CHST8: variants seen among roughly 807,000 people sequenced by gnomAD.
CHST8 encodes the protein carbohydrate sulfotransferase 8.
Under a neutral mutation model 15.0 loss-of-function variants are expected in CHST8, and 10 were observed. The ratio of observed to expected loss-of-function variants is 0.67; its 90% CI spans 0.41 to 1.13. The LOEUF (loss-of-function observed/expected upper bound fraction) is 1.13. CHST8 is among the 50% of genes most tolerant of loss of function. The pLI, the probability that CHST8 is intolerant of heterozygous loss-of-function variation, is 0.00. For synonymous variants in CHST8, 259 were observed against 256.6 expected (o/e 1.01, Z -0.09); for missense variants, 634 against 608.2 (o/e 1.04, Z -0.45).
At chr19:33,755,725 C>T (rs557431415) in intron 3 of CHST8, among the ~76,000 whole-genome samples, 2 of 152,326 alleles carry the variant, frequency 1.3e-5, no homozygotes, top group South Asian at 4.1e-4. Flanking sequence ...GCCTCTGTGT[C>T]CGTGGTGGGC....
intron 3 of CHST8, among the ~76,000 whole-genome samples, chr19:33,725,785 ATCT>A (rs1457802917): frequency 5.9e-5 from 9 of 152,238 alleles, no homozygotes; most frequent in African/African-American, 1.7e-4. Flanking sequence ...CTCTAGCCTC[ATCT>A]TCTATATTCT....
intron 1 of CHST8, among the ~76,000 whole-genome samples, chr19:33,651,185 G>A (rs1221618388): frequency 6.6e-6 from 1 of 152,034 alleles, no homozygotes; most frequent in Non-Finnish European, 1.5e-5. Context: ...CCCACCTAAG[G>A]TCATGAAGAT....
At chr19:33,725,884 T>G (rs1599590261) in intron 3 of CHST8, among the ~76,000 whole-genome samples, 1 of 152,096 alleles carries the variant, frequency 6.6e-6, no homozygotes, top group South Asian at 2.1e-4. Flanking sequence ...AGGTGGCTGG[T>G]ATTTTGGGCT....
intron 3 of CHST8, among the ~76,000 whole-genome samples, chr19:33,700,402 G>C (rs1341388876): frequency 6.6e-6 from 1 of 152,220 alleles, no homozygotes; most frequent in Non-Finnish European, 1.5e-5. Flanking sequence ...TGCACCTGCA[G>C]CTTCAAACTC....
chr19:33,696,289 T>A (rs1973216647), intron 3 of CHST8, among the ~76,000 whole-genome samples: 1 of 152,116 alleles, frequency 6.6e-6, no homozygotes, highest in African/African-American at 2.4e-5. Context: ...CTGGATTGAA[T>A]GGTAGTTCTA....
chr19:33,700,931 C>T (rs1026899996), intron 3 of CHST8, among the ~76,000 whole-genome samples: 31 of 152,306 alleles, frequency 2.0e-4, no homozygotes, highest in Non-Finnish European at 4.0e-4. Flanking sequence ...GTGCTCCTTG[C>T]GTGGTGATTG....
chr19:33,662,519 T>G (rs1972600747), intron 1 of CHST8, among the ~76,000 whole-genome samples: 1 of 152,152 alleles, frequency 6.6e-6, no homozygotes. Context: ...ACCAGGGCAA[T>G]GCTGTGGTCC....
At chr19:33,684,063 C>A (rs1972933171) in intron 2 of CHST8, among the ~76,000 whole-genome samples, 1 of 152,242 alleles carries the variant, frequency 6.6e-6, no homozygotes, top group Non-Finnish European at 1.5e-5. Context: ...TTTGGCCACG[C>A]TCTCAGGCCC....
chr19:33,699,262 A>G (rs1973285461), intron 3 of CHST8, among the ~76,000 whole-genome samples: 1 of 152,032 alleles, frequency 6.6e-6, no homozygotes, highest in East Asian at 1.9e-4. Context: ...CGGGAGGAGG[A>G]AGCTCGGGCT....
At chr19:33,709,309 A>G (rs1266751475) in intron 3 of CHST8, among the ~76,000 whole-genome samples, 4 of 152,202 alleles carry the variant, frequency 2.6e-5, no homozygotes, top group African/African-American at 9.7e-5. Context: ...CTTAGGGGAA[A>G]AACATTCCAT....
At chr19:33,658,156 A>T (rs1359094741) in intron 1 of CHST8, among the ~76,000 whole-genome samples, 1 of 152,176 alleles carries the variant, frequency 6.6e-6, no homozygotes, top group East Asian at 1.9e-4. Flanking sequence ...CCTGGCCAAC[A>T]TGGTAAAAGC....
chr19:33,766,591 G>C (rs1478443417), intron 3 of CHST8, among the ~76,000 whole-genome samples: 1 of 152,212 alleles, frequency 6.6e-6, no homozygotes, highest in African/African-American at 2.4e-5. Flanking sequence ...CCGGCAGCCT[G>C]GGCTGTCCGG....
intron 1 of CHST8, among the ~76,000 whole-genome samples, chr19:33,637,856 T>C (rs1600228997): frequency 7.7e-6 from 1 of 130,112 alleles, no homozygotes; most frequent in Non-Finnish European, 1.6e-5. Context: ...CCTTATCTCT[T>C]AAGAAAAAAA....
intron 3 of CHST8, among the ~76,000 whole-genome samples, chr19:33,695,899 C>T (rs1262196907): frequency 7.2e-6 from 1 of 139,138 alleles, no homozygotes; most frequent in Non-Finnish European, 1.5e-5. Flanking sequence ...AATCTCAGCT[C>T]ACTGCAACCT....
chr19:33,759,718 C>T (rs1008573), intron 3 of CHST8, among the ~76,000 whole-genome samples: 22,055 of 152,156 alleles, frequency 0.14, 1,738 homozygotes, highest in African/African-American at 0.18. Context: ...GGGATCTGTC[C>T]TCCTGCGCAG....
chr19:33,712,170 C>A (rs1223960299), intron 3 of CHST8, among the ~76,000 whole-genome samples: 1 of 152,228 alleles, frequency 6.6e-6, no homozygotes, highest in Admixed American at 6.5e-5. Context: ...TCTGCACTGA[C>A]CCCTCCCAGT....
At chr19:33,654,446 A>C (rs1362653506) in intron 1 of CHST8, among the ~76,000 whole-genome samples, 1 of 152,092 alleles carries the variant, frequency 6.6e-6, no homozygotes, top group Admixed American at 6.6e-5. Context: ...TATCCAAACT[A>C]ATTTAAGACT....
At chr19:33,755,149 C>T (rs141219442) in intron 3 of CHST8, among the ~76,000 whole-genome samples, 1,902 of 151,954 alleles carry the variant, frequency 0.013, 24 homozygotes, top group South Asian at 0.045. Context: ...TTCCAAAATC[C>T]CTGCTGTCTG....
Position 33,649,281 on chromosome 19 carries a change from A to G in CHST8, c.-163-18486A>G, listed in dbSNP as rs138753557. On this transcript the variant is annotated intron_variant, in intron 1 of 4. Transcript: ENST00000650847. ...TGTGGTTTGGGTTTGCATTTCCCCA[A>G]TGAGTAATGATGTATCTCATTGGGG... Among the ~76,000 whole-genome samples, 495 of 152,200 alleles carry G rather than the reference A, an allele frequency of 3.3e-3. 1 individual carries two copies. The highest frequency in any genetic ancestry group is 0.011 in the African/African-American group (439 of 41,544).
Sources: gnomAD v4.1 joint callset for allele counts (sites outside exome capture counted in the v4.1 genomes callset) on GRCh38, gnomAD v4.1.1 for gene constraint, MANE v1.5 for transcripts, NCBI Gene and HGNC (gene_info 2026-07-23, HGNC 2026-07-21) for gene names.